The following SCMH1 variants were observed in gnomAD, a reference collection of about 807,000 sequenced individuals.
SCMH1 encodes the protein Scm polycomb group protein homolog 1, also known as polycomb protein SCMH1.
In SCMH1, 37 loss-of-function variants were observed where a neutral mutation model predicts 70.8. The ratio of observed to expected loss-of-function variants is 0.52; its 90% CI spans 0.40 to 0.69. SCMH1 has a LOEUF of 0.69. SCMH1 is among the 30% of genes least tolerant of loss of function. The pLI, the probability that SCMH1 is intolerant of heterozygous loss-of-function variation, is 0.00. For missense variants in SCMH1, 607 were observed against 827.3 expected (o/e 0.73, Z 3.27); for synonymous variants, 292 against 307.4 (o/e 0.95, Z 0.52).
chr1:41,060,549 G>A (rs1286810078), intron 10 of SCMH1, among the ~76,000 whole-genome samples: 1 of 151,698 alleles, frequency 6.6e-6, no homozygotes, highest in Non-Finnish European at 1.5e-5. Flanking sequence ...TAGAAAGATG[G>A]AAAATGATAT....
chr1:41,170,489 G>A (rs1005670881), intron 2 of SCMH1, among the ~76,000 whole-genome samples: 1 of 152,082 alleles, frequency 6.6e-6, no homozygotes, highest in Non-Finnish European at 1.5e-5. Context: ...ATATTTATTT[G>A]GTGCATTCAT....
chr1:41,070,493 G>A (rs1656097519), intron 10 of SCMH1, 102 bp downstream of exon 10: 2 of 1,402,152 alleles, frequency 1.4e-6, no homozygotes, highest in African/African-American at 2.9e-5. Flanking sequence ...ATTTTACCTA[G>A]GTTTACAAGT....
At chr1:41,058,638 C>T (rs2148787996) in intron 10 of SCMH1, among the ~76,000 whole-genome samples, 1 of 152,194 alleles carries the variant, frequency 6.6e-6, no homozygotes, top group Middle Eastern at 3.4e-3. Context: ...CCTCAGCCTT[C>T]CAAAGTGCTG....
intron 2 of SCMH1, chr1:41,162,649 C>T (rs1209803860): frequency 6.6e-6 from 1 of 152,272 alleles, no homozygotes. Flanking sequence ...AACCTGCTTG[C>T]AGAGAGGAGC....
chr1:41,209,174 T>C (rs1181376203), intron 1 of SCMH1, among the ~76,000 whole-genome samples: 54 of 152,170 alleles, frequency 3.5e-4, no homozygotes, highest in Admixed American at 3.5e-3. Flanking sequence ...AGGAAGAAGT[T>C]GAATCTCTGA....
At chr1:41,241,014 G>C (rs750846848) in intron 1 of SCMH1, among the ~76,000 whole-genome samples, 3 of 152,196 alleles carry the variant, frequency 2.0e-5, no homozygotes, top group Non-Finnish European at 2.9e-5. Context: ...ACTATCTTCA[G>C]ATATCTTAAC....
At chr1:41,122,861 T>C (rs879849407) in intron 6 of SCMH1, among the ~76,000 whole-genome samples, 1 of 152,210 alleles carries the variant, frequency 6.6e-6, no homozygotes, top group Non-Finnish European at 1.5e-5. Flanking sequence ...CCCAAGACTA[T>C]GGGACCACTG....
chr1:41,149,015 T>A (rs2148300942), intron 5 of SCMH1, among the ~76,000 whole-genome samples: 1 of 152,228 alleles, frequency 6.6e-6, no homozygotes, highest in Admixed American at 6.5e-5. Context: ...ATGGTCTTAA[T>A]CTCCTGACTT....
chr1:41,151,743 G>T, intron 4 of SCMH1, 59 bp from the exon 5 acceptor site: 2 of 1,240,028 alleles, frequency 1.6e-6, no homozygotes, highest in East Asian at 2.4e-5. Flanking sequence ...TGTTTTCAGG[G>T]TATAATCTAC....
At chr1:41,121,544 G>T (rs951122710) in intron 6 of SCMH1, among the ~76,000 whole-genome samples, 1 of 152,138 alleles carries the variant, frequency 6.6e-6, no homozygotes, top group Non-Finnish European at 1.5e-5. Flanking sequence ...GGACAGGTGG[G>T]TAAGAGGAAA....
chr1:41,040,880 A>G (rs935265151), intron 12 of SCMH1, among the ~76,000 whole-genome samples: 1 of 147,556 alleles, frequency 6.8e-6, no homozygotes, highest in African/African-American at 2.4e-5. Context: ...AAAAAACAGA[A>G]AACAAAAAAC....
At chr1:41,220,433 T>A (rs973538410) in intron 1 of SCMH1, among the ~76,000 whole-genome samples, 7 of 152,218 alleles carry the variant, frequency 4.6e-5, no homozygotes, top group Non-Finnish European at 8.8e-5. Flanking sequence ...GCCAACATAT[T>A]TAGTGCAAAA....
At chr1:41,134,132 C>T (rs568055540) in intron 6 of SCMH1, among the ~76,000 whole-genome samples, 5 of 152,218 alleles carry the variant, frequency 3.3e-5, no homozygotes, top group South Asian at 4.2e-4. Context: ...GTTCAACATA[C>T]GCAAATCAAT....
chr1:41,112,762 A>G (rs1487343657), intron 8 of SCMH1, among the ~76,000 whole-genome samples: 1 of 152,184 alleles, frequency 6.6e-6, no homozygotes, highest in African/African-American at 2.4e-5. Flanking sequence ...TGGAATTTGT[A>G]GTTTAAGGAG....
intron 1 of SCMH1, among the ~76,000 whole-genome samples, chr1:41,233,096 A>C (rs1051465912): frequency 6.6e-6 from 1 of 152,212 alleles, no homozygotes; most frequent in African/African-American, 2.4e-5. Flanking sequence ...GAGAGTGAGA[A>C]GAGATCTTAG....
chr1:41,200,139 T>C (rs549832772), intron 1 of SCMH1, among the ~76,000 whole-genome samples: 1 of 152,310 alleles, frequency 6.6e-6, no homozygotes, highest in African/African-American at 2.4e-5. Flanking sequence ...ATCTAGGTGT[T>C]TTTTACAACT....
intron 6 of SCMH1, among the ~76,000 whole-genome samples, chr1:41,121,743 T>A (rs1289318665): frequency 6.6e-6 from 1 of 152,188 alleles, no homozygotes; most frequent in East Asian, 1.9e-4. Context: ...TAAGAAAACG[T>A]AAAATGAATA....
intron 2 of SCMH1, among the ~76,000 whole-genome samples, chr1:41,166,670 GC>G (rs34969816): frequency 0.64 from 97,643 of 151,760 alleles, 32,765 homozygotes; most frequent in African/African-American, 0.84. Context: ...GTATAGAAAT[GC>G]TACTGACTTT....
chr1:41,195,409 CAA>C (rs1652799493), intron 1 of SCMH1, among the ~76,000 whole-genome samples: 1 of 150,696 alleles, frequency 6.6e-6, no homozygotes, highest in South Asian at 2.1e-4. Flanking sequence ...AAGGATGGTT[CAA>C]CATATGAAAA....
Sources: gnomAD v4.1 joint callset for allele counts (sites outside exome capture counted in the v4.1 genomes callset) on GRCh38, gnomAD v4.1.1 for gene constraint, MANE v1.5 for transcripts, NCBI Gene and HGNC (gene_info 2026-07-23, HGNC 2026-07-21) for gene names.